NPFF: variants seen among roughly 807,000 people sequenced by gnomAD.
NPFF encodes pro-FMRFamide-related neuropeptide FF.
Under a neutral mutation model 12.9 loss-of-function variants are expected in NPFF, and 14 were observed. That is an observed-to-expected ratio of 1.09 (90% CI 0.72 to 1.70). The LOEUF (loss-of-function observed/expected upper bound fraction) is 1.70. NPFF is among the 40% of genes most tolerant of loss of function. NPFF has a pLI of 0.00. For synonymous variants in NPFF, 56 were observed against 57.3 expected (o/e 0.98, Z 0.10); for missense variants, 140 against 135.7 (o/e 1.03, Z -0.16).
Position 53,506,777 on chromosome 12 carries a change from C to A in NPFF, c.341G>T (p.Ter114LeuextTer5). The change falls in exon 3 of 3, where the codon TGA (stop) becomes TTA (leucine). Residue 114 changes from the stop codon to leucine (L), a stop_lost. Coordinates refer to ENST00000267017, the MANE Select transcript of NPFF (RefSeq NM_003717.4). Reference sequence around the variant, plus strand: ...GCAGACATATCAAGGGATGACATGTCACTTCTTCCCAAAGCGTTGAGGGGC... The same window carrying A: ...GCAGACATATCAAGGGATGACATGTAACTTCTTCCCAAAGCGTTGAGGGGC... ...LAAPQRFGKK[*>L] 1 of 1,544,214 alleles carries A rather than the reference C, an allele frequency of 6.5e-7. No homozygotes were observed. Among genetic ancestry groups the A allele is most frequent in the Admixed American group, 2.1e-5 (1 of 48,472 alleles).
chr12:53,506,913 C>T lies in NPFF; in HGVS notation c.225-20G>A, dbSNP rs761557734. On this transcript the variant is annotated intron_variant, in intron 2 of 2. Coordinates refer to ENST00000267017, the MANE Select transcript of NPFF (RefSeq NM_003717.4). ...CCAAACCTTAGGAAAGATTTGTCCT[C>T]AGGTCCCCGCAGTCTCCCTTCTCTA... 15 of 1,573,288 alleles carry T rather than the reference C, an allele frequency of 9.5e-6. No homozygotes were observed. In the East Asian group the frequency reaches 1.1e-4, roughly 12 times the overall value.
In NPFF at chr12:53,507,406, C is replaced by G; in HGVS notation, c.69G>C (p.Gly23=). The G allele has an allele frequency of 6.2e-7, 1 of 1,614,060 alleles. No individual in the cohort carries two copies. The highest frequency in any genetic ancestry group is 8.5e-7 in the Non-Finnish European group (1 of 1,180,006). The change falls in exon 1 of 3, where the codon GGG becomes GGC. Residue 23 remains glycine, a synonymous_variant. Coordinates refer to ENST00000267017, the MANE Select transcript of NPFF (RefSeq NM_003717.4). ...LLLIDGGCAE[G]PGGQQEDQLS... Reference sequence around the variant, plus strand: ...GCTGGTCTTCCTGCTGGCCTCCTGGCCCTTCAGCACAGCCCCCGTCTATTA... The same window carrying G: ...GCTGGTCTTCCTGCTGGCCTCCTGGGCCTTCAGCACAGCCCCCGTCTATTA...
In NPFF at chr12:53,507,418, GC is replaced by G; in HGVS notation, c.56del (p.Gly19AlafsTer71). On this transcript the variant is annotated frameshift_variant, in exon 1 of 3. Transcript: ENST00000267017. LOFTEE classifies it high-confidence loss of function. ...LLVLLLLIDG[G>X]CAEGPGGQQE... ...GCTGGCCTCCTGGCCCTTCAGCACA[GC>G]CCCCGTCTATTAACAGCAGCAGCAC... The G allele has an allele frequency of 6.2e-7, 1 of 1,613,968 alleles. No homozygotes were observed. The highest frequency in any genetic ancestry group is 8.5e-7 in the Non-Finnish European group (1 of 1,179,980).
rs200362717 is a variant in NPFF at position 53,507,365 on chromosome 12, A to G, written c.102+8T>C. 4.3e-5 allele frequency: 69 copies of G among 1,614,038 alleles called. 1 individual carries two copies. The East Asian group carries it at 1.5e-3, about 34-fold the overall frequency. On this transcript the variant is annotated splice_region_variant and intron_variant, in intron 1 of 2. Transcript: ENST00000267017. ...CAATGGTGATATGGGGATGGGACAC[A>G]CACTCACCGCGGAGAGCTGGTCTTC... is the stretch of plus-strand genomic sequence containing the variant.
In NPFF at chr12:53,507,237, G is replaced by C. The variant is rs561863800; in HGVS notation, c.103-95C>G. On this transcript the variant is annotated intron_variant, in intron 1 of 2. Coordinates refer to ENST00000267017, the MANE Select transcript of NPFF (RefSeq NM_003717.4). The stretch of plus-strand genomic sequence containing the variant: ...GACTGGCTTCCAGGGGCAAGTGGTA[G>C]GAGGCTGCGGAACCATTTCCTCAGA... 4.4e-6 allele frequency: 7 copies of C among 1,582,930 alleles called. No homozygotes were observed. The African/African-American group carries it at 9.4e-5, about 21-fold the overall frequency.
intron 1 of NPFF, 51 bp from the exon 2 acceptor site, chr12:53,507,193 G>A (rs750489168): frequency 6.9e-6 from 11 of 1,600,540 alleles, no homozygotes; most frequent in Middle Eastern, 1.7e-4. Context: ...CCCTGGACAC[G>A]TAAGTCACAA....
Position 53,507,014 on chromosome 12 carries a change from G to GACTC in NPFF, c.224+3_224+6dup, listed in dbSNP as rs1045718560. ...CCCTGCCATGCTTGTGTCCCTTTCA[G>GACTC]ACTCACCTCTGGGGCTGAAACAGGA... On this transcript the variant is annotated splice_region_variant and intron_variant, in intron 2 of 2. Coordinates refer to ENST00000267017, the MANE Select transcript of NPFF (RefSeq NM_003717.4). 1 of 1,613,210 alleles carries GACTC rather than the reference G, an allele frequency of 6.2e-7. No homozygotes were observed. The highest frequency in any genetic ancestry group is 1.3e-5 in the African/African-American group (1 of 74,962).
In NPFF at chr12:53,507,151, AG is replaced by A. The variant is rs773184061; in HGVS notation, c.103-10del. On this transcript the variant is annotated splice_polypyrimidine_tract_variant and intron_variant, in intron 1 of 2. Coordinates refer to ENST00000267017, the MANE Select transcript of NPFF (RefSeq NM_003717.4). ...GGTTCGCTGTCTTCCTCCTGTGCCAAGGGGGTATCAGGGAAGGAAGATGGGC... is the reference window on the plus strand; with the variant it reads ...GGTTCGCTGTCTTCCTCCTGTGCCAAGGGGTATCAGGGAAGGAAGATGGGC... The A allele has an allele frequency of 2.9e-5, 47 of 1,612,740 alleles. No individual in the cohort carries two copies. The highest frequency in any genetic ancestry group is 4.5e-5 in the East Asian group (2 of 44,866).
chr12:53,507,423 C>G lies in NPFF; in HGVS notation c.52G>C (p.Gly18Arg), dbSNP rs148040208. ...CCTCCTGGCCCTTCAGCACAGCCCC[C>G]GTCTATTAACAGCAGCAGCACCAGC... is the stretch of plus-strand genomic sequence containing the variant. Reference protein sequence around the residue: ...ALLVLLLLIDGGCAEGPGGQQ... With the variant: ...ALLVLLLLIDRGCAEGPGGQQ... Residue 18 changes from glycine (G) to arginine (R), a missense_variant, in exon 1 of 3, where the codon GGG becomes CGG. Coordinates refer to ENST00000267017, the MANE Select transcript of NPFF (RefSeq NM_003717.4). 6.2e-7 allele frequency: 1 copy of G among 1,613,852 alleles called. No homozygotes were observed. Among genetic ancestry groups the G allele is most frequent in the East Asian group, 2.2e-5 (1 of 44,886 alleles).
Position 53,506,907 on chromosome 12 carries a change from T to C in NPFF, c.225-14A>G, listed in dbSNP as rs1360232953. On this transcript the variant is annotated splice_polypyrimidine_tract_variant and intron_variant, in intron 2 of 2. Coordinates refer to ENST00000267017, the MANE Select transcript of NPFF (RefSeq NM_003717.4). ...TTTCTGCCAAACCTTAGGAAAGATT[T>C]GTCCTCAGGTCCCCGCAGTCTCCCT... 5 of 1,580,254 alleles carry C rather than the reference T, an allele frequency of 3.2e-6. No individual in the cohort carries two copies. The highest frequency in any genetic ancestry group is 4.3e-6 in the Non-Finnish European group (5 of 1,161,804).
chr12:53,507,393 G>A lies in NPFF; in HGVS notation c.82C>T (p.Gln28Ter), dbSNP rs1352636191. 6.2e-7 allele frequency: 1 copy of A among 1,614,048 alleles called. No homozygotes were observed. Among genetic ancestry groups the A allele is most frequent in the Non-Finnish European group, 8.5e-7 (1 of 1,179,986 alleles). ...GGCAEGPGGQ[Q>*]EDQLSAEEDS... ...CTCACCGCGGAGAGCTGGTCTTCCT[G>A]CTGGCCTCCTGGCCCTTCAGCACAG... The change falls in exon 1 of 3, where the codon CAG (glutamine) becomes TAG (stop). Residue 28 changes from glutamine to a stop codon, truncating the protein, a stop_gained. Coordinates refer to ENST00000267017, the MANE Select transcript of NPFF (RefSeq NM_003717.4). LOFTEE classifies it high-confidence loss of function.
Position 53,507,065 on chromosome 12 carries a change from C to G in NPFF, c.180G>C (p.Met60Ile). ...GSLLHYLLQAMERPGRSQAFL... is the reference protein window; with the variant it reads ...GSLLHYLLQAIERPGRSQAFL... ...AGGCTTGGCTCCGGCCAGGTCTCTC[C>G]ATTGCCTGGAGCAGGTAGTGCAACA... Residue 60 changes from methionine to isoleucine, a missense_variant, in exon 2 of 3, where the codon ATG becomes ATC. Transcript: ENST00000267017. 1 of 1,614,140 alleles carries G rather than the reference C, an allele frequency of 6.2e-7. No individual in the cohort carries two copies.
chr12:53,507,154 G>C lies in NPFF; in HGVS notation c.103-12C>G. The C allele has an allele frequency of 1.2e-6, 2 of 1,612,924 alleles. No individual in the cohort carries two copies. The highest frequency in any genetic ancestry group is 2.2e-5 in the East Asian group (1 of 44,858). On this transcript the variant is annotated splice_polypyrimidine_tract_variant and intron_variant, in intron 1 of 2. Coordinates refer to ENST00000267017, the MANE Select transcript of NPFF (RefSeq NM_003717.4). ...TCGCTGTCTTCCTCCTGTGCCAAGGGGGTATCAGGGAAGGAAGATGGGCAA... is the reference window on the plus strand; with the variant it reads ...TCGCTGTCTTCCTCCTGTGCCAAGGCGGTATCAGGGAAGGAAGATGGGCAA...
At position 53,507,441 on chromosome 12, in the gene NPFF, G is replaced by C; in HGVS notation, c.34C>G (p.Leu12Val). ...DSRQAAALLV[L>V]LLLIDGGCAE... The stretch of plus-strand genomic sequence containing the variant: ...CAGCCCCCGTCTATTAACAGCAGCA[G>C]CACCAGCAGTGCAGCAGCCTGCCTA... The change falls in exon 1 of 3, where the codon CTG (leucine) becomes GTG (valine). Residue 12 changes from leucine (L) to valine (V), a missense_variant. Physicochemically the swap from Leu to Val is conservative, Grantham distance 32. Transcript: ENST00000267017. 6.2e-7 allele frequency: 1 copy of C among 1,613,792 alleles called. No individual in the cohort carries two copies. Among genetic ancestry groups the C allele is most frequent in the Non-Finnish European group, 8.5e-7 (1 of 1,179,978 alleles).
rs1944038585 is a variant in NPFF at position 53,507,457 on chromosome 12, A to G, written c.18T>C (p.Ala6=). ...ACAGCAGCAGCACCAGCAGTGCAGC[A>G]GCCTGCCTAGAATCCATGCTGCCAC... The part of the protein sequence containing the change: MDSRQ[A]AALLVLLLLI... The change falls in exon 1 of 3, where the codon GCT becomes GCC. Residue 6 remains alanine, a synonymous_variant. Coordinates refer to ENST00000267017, the MANE Select transcript of NPFF (RefSeq NM_003717.4). 6.2e-6 allele frequency: 10 copies of G among 1,613,432 alleles called. No homozygotes were observed. The East Asian group carries it at 2.2e-4, about 36-fold the overall frequency.
At chr12:53,507,202 A>G (rs754792034) in intron 1 of NPFF, 60 bp from the exon 2 acceptor site, 1 of 1,595,934 alleles carries the variant, frequency 6.3e-7, no homozygotes, top group Admixed American at 1.7e-5. Flanking sequence ...CGTAAGTCAC[A>G]AGGGGAAGGG....
Position 53,506,763 on chromosome 12 carries a change from A to C in NPFF, c.*13T>G. ...TGTGGACCTTGCATGCAGACATATC[A>C]AGGGATGACATGTCACTTCTTCCCA... On this transcript the variant is annotated 3_prime_UTR_variant, in exon 3 of 3. Coordinates refer to ENST00000267017, the MANE Select transcript of NPFF (RefSeq NM_003717.4). The C allele has an allele frequency of 6.6e-7, 1 of 1,523,404 alleles. No homozygotes were observed. The highest frequency in any genetic ancestry group is 8.8e-7 in the Non-Finnish European group (1 of 1,133,098). The allele number at this position is 1,523,404 out of a possible 1,614,324, so 94.4% of individuals were successfully genotyped here. A position where few individuals can be genotyped will look rare whatever the true frequency, so the allele number is the denominator to read the frequency against.
chr12:53,507,271 C>T (rs766557981), intron 1 of NPFF, 102 bp downstream of exon 1: 6 of 1,593,326 alleles, frequency 3.8e-6, no homozygotes, highest in Non-Finnish European at 5.1e-6. Flanking sequence ...GATGTGAGGA[C>T]CTAATGACAA....
At position 53,507,055 on chromosome 12, in the gene NPFF, C is replaced by T. The variant is rs781409568; in HGVS notation, c.190G>A (p.Gly64Ser). ...HYLLQAMERP[G>S]RSQAFLFQPQ... is the part of the protein sequence containing the mutation. ...TGAAACAGGAAGGCTTGGCTCCGGC[C>T]AGGTCTCTCCATTGCCTGGAGCAGG... Residue 64 changes from glycine to serine, a missense_variant, in exon 2 of 3, where the codon GGC (glycine) becomes AGC (serine). By Grantham distance (56) the Gly-to-Ser change is moderately conservative. Coordinates refer to ENST00000267017, the MANE Select transcript of NPFF (RefSeq NM_003717.4). The T allele has an allele frequency of 1.2e-6, 2 of 1,613,966 alleles. No individual in the cohort carries two copies.
Sources: allele counts gnomAD v4.1 joint callset, GRCh38; gene constraint gnomAD v4.1.1; transcripts MANE v1.5; gene names NCBI Gene and HGNC (gene_info 2026-07-23, HGNC 2026-07-21).